The following NUP188 variants were observed in gnomAD, a reference collection of about 807,000 sequenced individuals.
NUP188 encodes nucleoporin 188, also known as nucleoporin NUP188.
A neutral mutation model predicts 223.0 loss-of-function variants in NUP188; 97 were observed. The ratio of observed to expected loss-of-function variants is 0.43; its 90% CI spans 0.37 to 0.51. The LOEUF is 0.51. NUP188 is among the 20% of genes least tolerant of loss of function. The pLI is 0.00. For missense variants in NUP188, 1,947 were observed against 2,175.6 expected, an observed-to-expected ratio of 0.89 and a Z score of 2.09; for synonymous variants, 869 against 828.0, an observed-to-expected ratio of 1.05 and a Z score of -0.85.
rs1203174596 is a variant in NUP188 at position 128,969,448 on chromosome 9, G to A, written c.846G>A (p.Leu282=). 6.2e-7 allele frequency: 1 copy of A among 1,607,542 alleles called. No homozygotes were observed. Residue 282 remains leucine, a synonymous_variant, in exon 10 of 44, where the codon TTG becomes TTA. Transcript: ENST00000372577. ...ILVEGMDIES[L]HKCALDDRRE... ...TGGAGGGCATGGATATCGAGTCCTT[G>A]CATAAGTGTGCTTTGGATGACAGAA... is the stretch of plus-strand genomic sequence containing the variant.
At position 128,983,465 on chromosome 9, in the gene NUP188, C is replaced by T; in HGVS notation, c.1885-9C>T. On this transcript the variant is annotated splice_polypyrimidine_tract_variant and intron_variant, in intron 18 of 43. Transcript: ENST00000372577. ...ATGTGGGCATTTAACTCTTCCTTTTCCTTCTCAGGTCTGGACTGATCTTCG... is the reference window on the plus strand; with the variant it reads ...ATGTGGGCATTTAACTCTTCCTTTTTCTTCTCAGGTCTGGACTGATCTTCG... 2 of 1,613,928 alleles carry T rather than the reference C, an allele frequency of 1.2e-6. No individual in the cohort carries two copies. The highest frequency in any genetic ancestry group is 1.7e-6 in the Non-Finnish European group (2 of 1,179,850).
At chr9:128,957,058 C>A (rs748254462) in intron 5 of NUP188, 26 bp downstream of exon 5, 7 of 1,489,454 alleles carry the variant, frequency 4.7e-6, no homozygotes, top group African/African-American at 1.4e-5. Context: ...CAGCTCCTTT[C>A]TTCTGCCTTT....
chr9:128,971,704 C>T (rs1842107538), intron 11 of NUP188, among the ~76,000 whole-genome samples: 1 of 152,162 alleles, frequency 6.6e-6, no homozygotes, highest in Non-Finnish European at 1.5e-5. Context: ...AGGCGTGAGC[C>T]ACCGTGCCCA....
rs778466606 is a variant in NUP188 at position 129,005,506 on chromosome 9, T to C, written c.4713T>C (p.Asp1571=). ...TLAALRHFTP[D]VCQILLDQSL... Reference sequence around the variant, plus strand: ...CAGCCCTGCGCCACTTCACCCCAGATGTCTGCCAGATTCTGCTGGATCAGG... The same window carrying C: ...CAGCCCTGCGCCACTTCACCCCAGACGTCTGCCAGATTCTGCTGGATCAGG... Residue 1571 remains aspartate, a synonymous_variant, in exon 40 of 44, where the codon GAT becomes GAC. Transcript: ENST00000372577. 6.0e-5 allele frequency: 97 copies of C among 1,606,578 alleles called. No homozygotes were observed. The highest frequency in any genetic ancestry group is 1.6e-4 in the Middle Eastern group (1 of 6,084).
rs899059395 is a variant in NUP188, at chr9:128,994,965, G to A, written c.3155+42G>A. 2.7e-6 allele frequency: 4 copies of A among 1,463,354 alleles called. 1 individual carries two copies. In the African/African-American group the frequency reaches 4.2e-5, roughly 15 times the overall value. 90.6% of individuals were successfully genotyped at this position (1,463,354 alleles called of 1,614,324 possible). On this transcript the variant is annotated intron_variant, in intron 29 of 43. Transcript: ENST00000372577. ...CTTGAGATTTTAACTGAAGGTTGGG[G>A]GAGTGGGAGTTGGTGGCCTACCACT...
At chr9:128,966,162 T>TGC (rs1554828486) in intron 8 of NUP188, among the ~76,000 whole-genome samples, 215 of 147,000 alleles carry the variant, frequency 1.5e-3, no homozygotes, top group African/African-American at 5.4e-3. Context: ...TGTGTGTGTG[T>TGC]GTGTGTGCGT....
chr9:128,968,770 C>A, intron 9 of NUP188, 53 bp downstream of exon 9: 1 of 1,380,778 alleles, frequency 7.2e-7, no homozygotes, highest in Non-Finnish European at 1.0e-6. Context: ...AGCATTGATA[C>A]TATAGTGGTA....
At chr9:128,994,977 G>C (rs1395793063) in intron 29 of NUP188, 54 bp downstream of exon 29, 1 of 1,338,424 alleles carries the variant, frequency 7.5e-7, no homozygotes, top group Non-Finnish European at 1.1e-6. Flanking sequence ...AGTGGGAGTT[G>C]GTGGCCTACC....
At chr9:128,992,437 T>C (rs1186707419) in intron 25 of NUP188, among the ~76,000 whole-genome samples, 1 of 151,904 alleles carries the variant, frequency 6.6e-6, no homozygotes, top group Admixed American at 6.6e-5. Context: ...TCAAGTGATC[T>C]GCCTGCCTCA....
At position 128,994,838 on chromosome 9, in the gene NUP188, G is replaced by A. The variant is rs1309956793; in HGVS notation, c.3088-18G>A. The A allele has an allele frequency of 2.5e-6, 4 of 1,608,686 alleles. No individual in the cohort carries two copies. The South Asian group carries it at 3.3e-5, about 13-fold the overall frequency. On this transcript the variant is annotated intron_variant, in intron 28 of 43. Coordinates refer to ENST00000372577, the MANE Select transcript of NUP188 (RefSeq NM_015354.3). ...GTGATCAGAGATGTGATAATTGCCT[G>A]TTCTGCTATCTCCACAGCCCAGCAT...
chr9:128,973,228 G>A lies in NUP188; in HGVS notation c.1182G>A (p.Leu394=), dbSNP rs1842126631. Residue 394 remains leucine (L), a synonymous_variant, in exon 12 of 44, where the codon CTG becomes CTA. Transcript: ENST00000372577. ...CTTTCGTTCTGACCTCGTTGGAGCT[G>A]CACACCCTGGGCAATCAGCAGGTCA... ...LLSFVLTSLE[L]HTLGNQQDII... 6.2e-7 allele frequency: 1 copy of A among 1,612,904 alleles called. No homozygotes were observed. The highest frequency in any genetic ancestry group is 8.5e-7 in the Non-Finnish European group (1 of 1,179,726).
rs757434675 is a variant in NUP188 at position 128,968,615 on chromosome 9, T to TA, written c.696dup (p.Leu233ThrfsTer8). The TA allele has an allele frequency of 6.2e-7, 1 of 1,614,096 alleles. No individual in the cohort carries two copies. The highest frequency in any genetic ancestry group is 8.5e-7 in the Non-Finnish European group (1 of 1,179,920). On this transcript the variant is annotated frameshift_variant, in exon 9 of 44. Coordinates refer to ENST00000372577, the MANE Select transcript of NUP188 (RefSeq NM_015354.3). LOFTEE classifies it high-confidence loss of function. ...TACTTTGAGATGGCACCCAGTGACTTACTTGTATTAACCAAGATGTTTAAA... is the reference window on the plus strand; with the variant it reads ...TACTTTGAGATGGCACCCAGTGACTTAACTTGTATTAACCAAGATGTTTAAA...
chr9:128,950,832 G>A (rs1388606162), intron 2 of NUP188, among the ~76,000 whole-genome samples: 2 of 152,026 alleles, frequency 1.3e-5, no homozygotes, highest in Non-Finnish European at 2.9e-5. Context: ...GCTCAAAAAA[G>A]CAAAAAGCTT....
intron 2 of NUP188, among the ~76,000 whole-genome samples, chr9:128,951,007 A>G (rs1306459194): frequency 2.0e-5 from 3 of 150,654 alleles, no homozygotes; most frequent in Non-Finnish European, 4.4e-5. Flanking sequence ...CCATTCTTCT[A>G]CCTCAACCTA....
chr9:128,976,463 G>A (rs914280792), intron 12 of NUP188, among the ~76,000 whole-genome samples: 1 of 152,082 alleles, frequency 6.6e-6, no homozygotes, highest in African/African-American at 2.4e-5. Context: ...CTGAGGTCAG[G>A]AGTTTGAGAT....
chr9:128,990,216 G>A lies in NUP188; in HGVS notation c.2630G>A (p.Arg877His), dbSNP rs139504388. The A allele has an allele frequency of 3.7e-6, 6 of 1,612,802 alleles. No individual in the cohort carries two copies. The highest frequency in any genetic ancestry group is 4.2e-6 in the Non-Finnish European group (5 of 1,178,916). ...LPRLAIQLLK[R>H]LATVAPMSVY... ...CGTCTTGCCATTCAGCTGCTGAAACGTCTGGCCACGGTAGGATCGTACTTC... is the reference window on the plus strand; with the variant it reads ...CGTCTTGCCATTCAGCTGCTGAAACATCTGGCCACGGTAGGATCGTACTTC... Residue 877 changes from arginine (R) to histidine (H), a missense_variant, in exon 25 of 44, where the codon CGT (arginine) becomes CAT (histidine). Physicochemically the swap from Arg to His is conservative, Grantham distance 29. Transcript: ENST00000372577.
rs1455202587 is a variant in NUP188 at position 128,983,441 on chromosome 9, T to G, written c.1885-33T>G. 8 of 1,612,388 alleles carry G rather than the reference T, an allele frequency of 5.0e-6. No homozygotes were observed. In the East Asian group the frequency reaches 1.8e-4, roughly 36 times the overall value. ...AGCACTTGGCACATACCTGAAGATATGTGGGCATTTAACTCTTCCTTTTCC... is the reference window on the plus strand; with the variant it reads ...AGCACTTGGCACATACCTGAAGATAGGTGGGCATTTAACTCTTCCTTTTCC... On this transcript the variant is annotated intron_variant, in intron 18 of 43. Coordinates refer to ENST00000372577, the MANE Select transcript of NUP188 (RefSeq NM_015354.3).
Position 129,002,818 on chromosome 9 carries a change from C to A in NUP188, c.4139C>A (p.Thr1380Lys). ...YQLSTNGTAQ[T>K]PSASRKSLDA... ...GCTTGTCTGCTGTTTGTATCTTAGA[C>A]ACCTAGTGCCTCTCGGAAGTCCCTG... The change falls in exon 37 of 44, where the codon ACA becomes AAA. Residue 1380 changes from threonine to lysine, a missense_variant and splice_region_variant. Coordinates refer to ENST00000372577, the MANE Select transcript of NUP188 (RefSeq NM_015354.3). 3 of 1,613,530 alleles carry A rather than the reference C, an allele frequency of 1.9e-6. No homozygotes were observed. The highest frequency in any genetic ancestry group is 2.5e-6 in the Non-Finnish European group (3 of 1,179,662).
chr9:128,964,654 T>A (rs1842002958), intron 8 of NUP188, among the ~76,000 whole-genome samples: 1 of 151,596 alleles, frequency 6.6e-6, no homozygotes, highest in South Asian at 2.1e-4. Flanking sequence ...ATGACAGGCA[T>A]GAGCCACTGC....
Sources: allele counts gnomAD v4.1 joint callset (sites outside exome capture counted in the v4.1 genomes callset), GRCh38; gene constraint gnomAD v4.1.1; transcripts MANE v1.5; gene names NCBI Gene and HGNC (gene_info 2026-07-23, HGNC 2026-07-21).